The following HUNK variants were observed in gnomAD, a reference collection of about 807,000 sequenced individuals.
HUNK encodes the protein hormonally up-regulated neu tumor-associated kinase.
In HUNK, 21 loss-of-function variants were observed where a neutral mutation model predicts 61.0. That is an observed-to-expected ratio of 0.34 (90% CI 0.24 to 0.50). The LOEUF is 0.50. Among genes scored for constraint, HUNK ranks in the 20% least tolerant of loss-of-function variants. HUNK has a pLI of 0.98. For missense variants in HUNK, 772 were observed against 945.7 expected, an observed-to-expected ratio of 0.82 and a Z score of 2.41; for synonymous variants, 371 against 386.1, an observed-to-expected ratio of 0.96 and a Z score of 0.46.
chr21:31,941,431 C>T (rs112675968), intron 3 of HUNK, among the ~76,000 whole-genome samples: 6,716 of 151,846 alleles, frequency 0.044, 513 homozygotes, highest in African/African-American at 0.15. Flanking sequence ...CTCAGCCTCC[C>T]GAGTAGCTGG....
chr21:31,983,851 A>G (rs2123244343), intron 8 of HUNK, among the ~76,000 whole-genome samples: 1 of 152,308 alleles, frequency 6.6e-6, no homozygotes, highest in South Asian at 2.1e-4. Flanking sequence ...CTGGATGCCC[A>G]GGCCGCACCT....
At chr21:31,933,593 T>C (rs1009982110) in intron 2 of HUNK, among the ~76,000 whole-genome samples, 1 of 152,102 alleles carries the variant, frequency 6.6e-6, no homozygotes, top group Non-Finnish European at 1.5e-5. Flanking sequence ...GACACCAGCC[T>C]GACCAACATG....
intron 2 of HUNK, among the ~76,000 whole-genome samples, chr21:31,933,375 T>C (rs867532473): frequency 2.6e-5 from 4 of 152,064 alleles, no homozygotes; most frequent in Admixed American, 6.5e-5. Flanking sequence ...CTGGGCCAGG[T>C]ACAGTGGTTC....
At chr21:31,886,357 C>T (rs954952469) in intron 1 of HUNK, among the ~76,000 whole-genome samples, 2 of 148,326 alleles carry the variant, frequency 1.3e-5, no homozygotes, top group Non-Finnish European at 3.0e-5. Flanking sequence ...GGCTGGGAGG[C>T]GGACGTTGCA....
intron 6 of HUNK, among the ~76,000 whole-genome samples, chr21:31,968,872 GTGTA>G (rs1453219157): frequency 2.3e-5 from 3 of 132,124 alleles, no homozygotes; most frequent in East Asian, 2.2e-4. Flanking sequence ...GTGTGTGTGT[GTGTA>G]TGTCTTTGTT....
chr21:31,965,485 C>T (rs1246039673), intron 5 of HUNK, among the ~76,000 whole-genome samples: 3 of 151,522 alleles, frequency 2.0e-5, no homozygotes, highest in African/African-American at 4.9e-5. Context: ...TTTTAAAGTA[C>T]GTTGCTGGAA....
intron 7 of HUNK, among the ~76,000 whole-genome samples, chr21:31,979,627 A>T (rs1244847805): frequency 4.3e-5 from 6 of 138,598 alleles, no homozygotes; most frequent in Non-Finnish European, 6.0e-5. Flanking sequence ...GCTATTCTCC[A>T]GTCTCAGCCT....
At chr21:31,881,837 A>G (rs1330471199) in intron 1 of HUNK, among the ~76,000 whole-genome samples, 1 of 152,174 alleles carries the variant, frequency 6.6e-6, no homozygotes, top group African/African-American at 2.4e-5. Context: ...GCATCTCATT[A>G]GCAGATTCTA....
At chr21:31,932,894 C>T (rs1221244332) in intron 2 of HUNK, among the ~76,000 whole-genome samples, 1 of 151,166 alleles carries the variant, frequency 6.6e-6, no homozygotes, top group Non-Finnish European at 1.5e-5. Context: ...AACCCATCCT[C>T]CTGCGCTGCC....
intron 1 of HUNK, among the ~76,000 whole-genome samples, chr21:31,898,834 A>G (rs1341366988): frequency 6.6e-6 from 1 of 152,202 alleles, no homozygotes; most frequent in Non-Finnish European, 1.5e-5. Context: ...TACTGATGCT[A>G]GAAGACTGAT....
At chr21:31,977,346 T>G (rs949480054) in intron 7 of HUNK, among the ~76,000 whole-genome samples, 1 of 152,208 alleles carries the variant, frequency 6.6e-6, no homozygotes, top group Non-Finnish European at 1.5e-5. Flanking sequence ...GTTAATGCAC[T>G]GGTAATCTTT....
At chr21:31,904,801 A>T (rs2052493656) in intron 1 of HUNK, among the ~76,000 whole-genome samples, 1 of 152,214 alleles carries the variant, frequency 6.6e-6, no homozygotes, top group Non-Finnish European at 1.5e-5. Context: ...GTCTTTAAAC[A>T]GATAGTTGAG....
intron 1 of HUNK, among the ~76,000 whole-genome samples, chr21:31,909,211 C>CA (rs2123804429): frequency 6.6e-6 from 1 of 152,336 alleles, no homozygotes; most frequent in South Asian, 2.1e-4. Flanking sequence ...GCACAAGCCC[C>CA]ACCGTTGTCT....
intron 8 of HUNK, among the ~76,000 whole-genome samples, chr21:31,988,156 A>G (rs953766362): frequency 2.6e-5 from 4 of 152,154 alleles, no homozygotes; most frequent in Non-Finnish European, 4.4e-5. Flanking sequence ...GACTGTATCT[A>G]TAAAAGTGGG....
chr21:31,957,302 A>G (rs781676351), intron 4 of HUNK, among the ~76,000 whole-genome samples: 15 of 152,240 alleles, frequency 9.9e-5, no homozygotes, highest in Non-Finnish European at 2.2e-4. Flanking sequence ...AGAGCCATCC[A>G]GCAAGTATTT....
chr21:31,899,541 G>T (rs1246097608), intron 1 of HUNK, among the ~76,000 whole-genome samples: 1 of 152,172 alleles, frequency 6.6e-6, no homozygotes, highest in Admixed American at 6.5e-5. Flanking sequence ...CATCTGCAAT[G>T]ACCCCATCTT....
chr21:32,003,052 G>C lies in HUNK; in HGVS notation c.*3868G>C, dbSNP rs949072052. On this transcript the variant is annotated 3_prime_UTR_variant, in exon 11 of 11. Transcript: ENST00000270112. ...GTTTAAGGACACCCCAGAGTCCCCA[G>C]ATGAGCTGGCATTTGAGCTGGTCTG... The C allele has an allele frequency of 2.0e-5, 3 of 152,274 alleles. No individual in the cohort carries two copies. Among genetic ancestry groups the C allele is most frequent in the African/African-American group, 7.2e-5 (3 of 41,458 alleles). The allele number at this position is 152,274 out of a possible 1,614,324, so 9.4% of individuals were successfully genotyped here.
rs150580743 is a variant in HUNK, at chr21:31,973,770, A to G, written c.1011-785A>G. Among the ~76,000 whole-genome samples the G allele has an allele frequency of 6.2e-4, 95 of 152,304 alleles. 1 individual carries two copies. Among genetic ancestry groups the G allele is most frequent in the African/African-American group, 2.2e-3 (93 of 41,562 alleles). ...TTATCTGTAAAGTTGGGGTCATGATAGTACCTACTCATAGGACTATCAGGA... is the reference window on the plus strand; with the variant it reads ...TTATCTGTAAAGTTGGGGTCATGATGGTACCTACTCATAGGACTATCAGGA... On this transcript the variant is annotated intron_variant, in intron 6 of 10. Transcript: ENST00000270112.
At chr21:31,891,980 T>C (rs2052390594) in intron 1 of HUNK, among the ~76,000 whole-genome samples, 1 of 152,066 alleles carries the variant, frequency 6.6e-6, no homozygotes, top group African/African-American at 2.4e-5. Context: ...GTTGGTGTTA[T>C]GTACTAAAGC....
Sources: gnomAD v4.1 joint callset for allele counts (sites outside exome capture counted in the v4.1 genomes callset) on GRCh38, gnomAD v4.1.1 for gene constraint, MANE v1.5 for transcripts, NCBI Gene and HGNC (gene_info 2026-07-23, HGNC 2026-07-21) for gene names.